SDK2: variants seen among roughly 807,000 people sequenced by gnomAD.
The protein encoded by SDK2 is protein sidekick-2.
In SDK2, 105 loss-of-function variants were observed where a neutral mutation model predicts 253.9. That is an observed-to-expected ratio of 0.41 (90% CI 0.35 to 0.49). The LOEUF is 0.49. SDK2 is among the 20% of genes least tolerant of loss of function. The pLI, the probability that SDK2 is intolerant of heterozygous loss-of-function variation, is 0.06. For missense variants in SDK2, 2,608 were observed against 3,003.0 expected (o/e 0.87, Z 3.07); for synonymous variants, 1,249 against 1,234.9 (o/e 1.01, Z -0.24).
intron 2 of SDK2, among the ~76,000 whole-genome samples, chr17:73,480,869 G>A (rs2063718424): frequency 6.6e-6 from 1 of 152,164 alleles, no homozygotes; most frequent in South Asian, 2.1e-4. Flanking sequence ...TGCACCCTGT[G>A]GTGAGGACAG....
chr17:73,368,800 A>G (rs2062709071), intron 36 of SDK2, among the ~76,000 whole-genome samples: 2 of 152,186 alleles, frequency 1.3e-5, no homozygotes. Flanking sequence ...ACTTGAGGCC[A>G]GGAGTTCAAG....
intron 1 of SDK2, among the ~76,000 whole-genome samples, chr17:73,523,330 C>T (rs1715408123): frequency 6.6e-6 from 1 of 151,878 alleles, no homozygotes; most frequent in African/African-American, 2.4e-5. Flanking sequence ...GTGGAATGCT[C>T]TTCATGGACT....
Position 73,456,011 on chromosome 17 carries a change from G to A in SDK2, c.374C>T (p.Ser125Phe). The A allele has an allele frequency of 1.9e-6, 3 of 1,542,966 alleles. No homozygotes were observed. The highest frequency in any genetic ancestry group is 2.6e-6 in the Non-Finnish European group (3 of 1,142,378). ...ACGGATGACAGCTGCTTCTCCGTGG[G>A]AGACGCTCTGGTGCTTCTCACCTTC... ...FEEGEKHQSV[S>F]HGEAAVIRAP... The change falls in exon 4 of 45, where the codon TCC becomes TTC. Residue 125 changes from serine to phenylalanine, a missense_variant. Ser to Phe is a radical substitution (Grantham distance 155, BLOSUM62 -2). Around this residue, in one of 2 missense-constraint regions of SDK2, gnomAD observed 1,505 missense variants for 1,859.1 expected, o/e 0.81. Transcript: ENST00000392650.
intron 12 of SDK2, among the ~76,000 whole-genome samples, chr17:73,427,141 G>C (rs899465933): frequency 2.6e-5 from 4 of 152,194 alleles, no homozygotes; most frequent in Non-Finnish European, 5.9e-5. Flanking sequence ...CTTTGCTTCA[G>C]AATGTGGTGC....
intron 18 of SDK2, among the ~76,000 whole-genome samples, chr17:73,408,832 T>G (rs556483897): frequency 6.6e-6 from 1 of 152,274 alleles, no homozygotes; most frequent in South Asian, 2.1e-4. Context: ...CTGAAGCAAA[T>G]AAAACCACGA....
At chr17:73,500,517 C>T (rs1413390884) in intron 2 of SDK2, among the ~76,000 whole-genome samples, 2 of 149,482 alleles carry the variant, frequency 1.3e-5, no homozygotes, top group African/African-American at 4.9e-5. Flanking sequence ...CTTCTGTTCT[C>T]CTTCATCCTC....
chr17:73,440,947 T>TG, intron 5 of SDK2, 24 bp from the exon 6 acceptor site: 1 of 1,498,784 alleles, frequency 6.7e-7, no homozygotes, highest in Non-Finnish European at 9.1e-7. Flanking sequence ...AGATGTTAGC[T>TG]GGGGGCGAGG....
chr17:73,566,351 G>A (rs1482297167), intron 1 of SDK2, among the ~76,000 whole-genome samples: 2 of 151,882 alleles, frequency 1.3e-5, no homozygotes, highest in Non-Finnish European at 2.9e-5. Context: ...GTGTGTGTGT[G>A]TGTGTTACCC....
intron 2 of SDK2, among the ~76,000 whole-genome samples, chr17:73,483,695 ATATATATATATATTTTTT>A (rs2063751549): frequency 4.2e-5 from 3 of 71,110 alleles, no homozygotes; most frequent in African/African-American, 1.9e-4. Flanking sequence ...ATATATATAT[ATATATATATATATTTTTT>A]TTTTTTTTTA....
At chr17:73,635,359 C>T (rs769159653) in intron 1 of SDK2, among the ~76,000 whole-genome samples, 4 of 152,138 alleles carry the variant, frequency 2.6e-5, no homozygotes, top group Admixed American at 6.5e-5. Context: ...CTGGCTCTCA[C>T]GGCTCGAAGC....
At chr17:73,525,653 A>G (rs112406177) in intron 1 of SDK2, among the ~76,000 whole-genome samples, 3,404 of 152,158 alleles carry the variant, frequency 0.022, 143 homozygotes, top group African/African-American at 0.077. Context: ...CTGGCATCAG[A>G]ACCTTCTCTC....
rs1599501569 is a variant in SDK2, at chr17:73,379,219, T to G, written c.4938A>C (p.Pro1646=). The G allele has an allele frequency of 6.4e-7, 1 of 1,559,178 alleles. No homozygotes were observed. ...CTCCATTCTGGCTGTCCAGCGGAGG[T>G]GGCTCCCAAGTCACGTCCAGCTGTG... ...TATQLDVTWE[P]PPLDSQNGDI... is the part of the protein sequence containing the mutation. Residue 1646 remains proline, a synonymous_variant, in exon 36 of 45, where the codon CCA becomes CCC. Coordinates refer to ENST00000392650, the MANE Select transcript of SDK2 (RefSeq NM_001144952.2). The surrounding 1 kb of genome is among the most constrained non-coding windows in gnomAD (Gnocchi z 4.5).
chr17:73,437,715 C>G, intron 8 of SDK2, 24 bp downstream of exon 8: 1 of 1,594,814 alleles, frequency 6.3e-7, no homozygotes, highest in Non-Finnish European at 8.6e-7. Flanking sequence ...TCTTTGTCCC[C>G]CTCCAGCGGT....
intron 1 of SDK2, among the ~76,000 whole-genome samples, chr17:73,567,755 C>A (rs895366988): frequency 6.6e-6 from 1 of 152,228 alleles, no homozygotes; most frequent in African/African-American, 2.4e-5. Context: ...TGCTGGGTTT[C>A]GGACTTGGGT....
chr17:73,401,895 C>G, intron 19 of SDK2, 51 bp downstream of exon 19: 1 of 1,452,426 alleles, frequency 6.9e-7, no homozygotes, highest in Non-Finnish European at 9.4e-7. Context: ...GGGCGCCCAG[C>G]CTGGCCTTGG....
At chr17:73,510,435 C>A (rs2063971187) in intron 1 of SDK2, among the ~76,000 whole-genome samples, 1 of 152,188 alleles carries the variant, frequency 6.6e-6, no homozygotes, top group African/African-American at 2.4e-5. Flanking sequence ...CTCAGGGTGG[C>A]TCAGAGGGCA....
intron 2 of SDK2, among the ~76,000 whole-genome samples, chr17:73,480,484 T>G (rs1183389917): frequency 6.6e-6 from 1 of 152,030 alleles, no homozygotes; most frequent in African/African-American, 2.4e-5. Flanking sequence ...TAGTGGATCT[T>G]TTGATTGTGG....
chr17:73,573,377 C>T (rs1166362702), intron 1 of SDK2, among the ~76,000 whole-genome samples: 1 of 152,166 alleles, frequency 6.6e-6, no homozygotes, highest in Non-Finnish European at 1.5e-5. Context: ...GGAAAGGACA[C>T]TGGTACCTGG....
intron 1 of SDK2, among the ~76,000 whole-genome samples, chr17:73,637,468 T>C (rs2046345901): frequency 2.0e-5 from 3 of 152,216 alleles, no homozygotes; most frequent in Admixed American, 2.0e-4. Context: ...AGCCTCTGCC[T>C]CCCAGGTTCA....
Sources: allele counts gnomAD v4.1 joint callset (sites outside exome capture counted in the v4.1 genomes callset), GRCh38; gene constraint gnomAD v4.1.1; regional missense constraint gnomAD v4.1.1; non-coding constraint Gnocchi (gnomAD v3.1); transcripts MANE v1.5; gene names NCBI Gene and HGNC (gene_info 2026-07-23, HGNC 2026-07-21).